KLHL4: variants seen among roughly 807,000 people sequenced by gnomAD.
The protein encoded by KLHL4 is kelch like family member 4.
Under a neutral mutation model 45.8 loss-of-function variants are expected in KLHL4, and 17 were observed. The observed-to-expected ratio is 0.37, with a 90% CI of 0.25 to 0.56. The LOEUF is 0.56. Among genes scored for constraint, KLHL4 ranks in the 20% least tolerant of loss-of-function variants. The pLI, the probability that KLHL4 is intolerant of heterozygous loss-of-function variation, is 0.79. For missense variants in KLHL4, 544 were observed against 544.9 expected, an observed-to-expected ratio of 1.00 and a Z score of 0.02; for synonymous variants, 224 against 189.9, an observed-to-expected ratio of 1.18 and a Z score of -1.47.
chrX:87,584,700 A>G (rs759373006), intron 1 of KLHL4, among the ~76,000 whole-genome samples: 1 of 110,460 alleles, frequency 9.1e-6, no homozygotes, highest in East Asian at 2.9e-4. Flanking sequence ...ATAGAAAACA[A>G]TGAAGCACAC....
intron 1 of KLHL4, among the ~76,000 whole-genome samples, chrX:87,546,034 C>T (rs755505932): frequency 1.8e-5 from 2 of 111,040 alleles, no homozygotes; most frequent in South Asian, 3.8e-4. Flanking sequence ...TGCAGGCTGG[C>T]GATGCAATAG....
intron 1 of KLHL4, among the ~76,000 whole-genome samples, chrX:87,600,184 T>C (rs1457508607): frequency 1.8e-5 from 2 of 110,644 alleles, no homozygotes; most frequent in Admixed American, 9.6e-5. Context: ...ACAGATCCGG[T>C]CATTTAAAAG....
chrX:87,636,197 T>C (rs1460344899), intron 9 of KLHL4, among the ~76,000 whole-genome samples: 2 of 111,968 alleles, frequency 1.8e-5, no homozygotes, highest in Non-Finnish European at 1.9e-5. Context: ...CAGCATAGAA[T>C]ATGTAAAAAG....
At chrX:87,659,390 T>C (rs1232435374) in intron 9 of KLHL4, among the ~76,000 whole-genome samples, 1 of 110,410 alleles carries the variant, frequency 9.1e-6, no homozygotes, top group Non-Finnish European at 1.9e-5. Context: ...AGTGCTGGGA[T>C]TACAGGCATG....
At chrX:87,524,048 C>A (rs73509844) in intron 1 of KLHL4, among the ~76,000 whole-genome samples, 1 of 111,039 alleles carries the variant, frequency 9.0e-6, no homozygotes, top group South Asian at 3.8e-4. Flanking sequence ...TAATTTATGC[C>A]AGCACTCTGC....
At chrX:87,577,354 C>A (rs1035454073) in intron 1 of KLHL4, among the ~76,000 whole-genome samples, 4 of 111,624 alleles carry the variant, frequency 3.6e-5, no homozygotes, top group African/African-American at 1.3e-4. Context: ...CAAAAGACAT[C>A]GTTCTATTTA....
intron 6 of KLHL4, among the ~76,000 whole-genome samples, chrX:87,626,740 T>A (rs1922942667): frequency 9.0e-6 from 1 of 111,299 alleles, no homozygotes; most frequent in Non-Finnish European, 1.9e-5. Context: ...TGACTTTTCC[T>A]TTTGGCTTAG....
rs1355632685 is a variant in KLHL4 at position 87,669,707 on chromosome X, A to T, written c.*3173A>T. 5.7e-6 allele frequency: 1 copy of T among 175,712 alleles called. No homozygotes were observed. The highest frequency in any genetic ancestry group is 1.3e-4 in the East Asian group (1 of 7,726). The allele number at this position is 175,712 out of a possible 1,213,427, so 14.5% of individuals were successfully genotyped here. A position where few individuals can be genotyped will look rare whatever the true frequency, so the allele number is the denominator to read the frequency against. ...AGGTAGAAGAGATTTTTCAGTTGCT[A>T]TTTCTCTTCGTAATGAATTTTCTTT... On this transcript the variant is annotated 3_prime_UTR_variant, in exon 11 of 11. Transcript: ENST00000373119.
At chrX:87,613,369 A>C (rs1358108672) in intron 1 of KLHL4, among the ~76,000 whole-genome samples, 1 of 111,838 alleles carries the variant, frequency 8.9e-6, no homozygotes, top group African/African-American at 3.2e-5. Flanking sequence ...AATTATGTCC[A>C]GTTTCTTAAT....
At chrX:87,620,591 TA>T (rs1362420133) in intron 4 of KLHL4, among the ~76,000 whole-genome samples, 1 of 112,176 alleles carries the variant, frequency 8.9e-6, no homozygotes, top group Non-Finnish European at 1.9e-5. Context: ...TTTCAGAGTT[TA>T]TATACAATAT....
chrX:87,653,565 G>A (rs1337065692), intron 9 of KLHL4, among the ~76,000 whole-genome samples: 1 of 111,900 alleles, frequency 8.9e-6, no homozygotes, highest in Non-Finnish European at 1.9e-5. Flanking sequence ...GTAGAAGACA[G>A]TGTGGCAATT....
At chrX:87,645,291 T>C (rs1443865283) in intron 9 of KLHL4, among the ~76,000 whole-genome samples, 1 of 111,473 alleles carries the variant, frequency 9.0e-6, no homozygotes, top group East Asian at 2.8e-4. Flanking sequence ...CCAATAAACA[T>C]GTGAAAAATG....
chrX:87,593,975 T>C (rs1921757413), intron 1 of KLHL4, among the ~76,000 whole-genome samples: 1 of 112,274 alleles, frequency 8.9e-6, no homozygotes, highest in Non-Finnish European at 1.9e-5. Flanking sequence ...GGCTTTGATA[T>C]ACCTCACCTG....
Position 87,664,825 on chromosome X carries a change from G to A in KLHL4, c.1987G>A (p.Val663Ile), listed in dbSNP as rs1429808409. The change falls in exon 10 of 11, where the codon GTT (valine) becomes ATT (isoleucine). Residue 663 changes from valine to isoleucine, a missense_variant. Physicochemically the swap from Val to Ile is conservative, Grantham distance 29. Coordinates refer to ENST00000373119, the MANE Select transcript of KLHL4 (RefSeq NM_019117.5). The stretch of plus-strand genomic sequence containing the variant: ...ACCTCTGAGTGTTCCTCGAGATGCT[G>A]TTGCTGTGTGCCCTCTTGGAGACAA... The part of the protein sequence containing the change: ...VAPLSVPRDA[V>I]AVCPLGDKLY... 8.3e-7 allele frequency: 1 copy of A among 1,200,987 alleles called. No homozygotes were observed. Among genetic ancestry groups the A allele is most frequent in the Admixed American group, 2.2e-5 (1 of 45,474 alleles).
intron 1 of KLHL4, among the ~76,000 whole-genome samples, chrX:87,561,850 C>G (rs1211280703): frequency 9.1e-6 from 1 of 109,847 alleles, no homozygotes; most frequent in East Asian, 2.9e-4. Context: ...CCTAAAGACC[C>G]CATCCAGGCC....
At chrX:87,553,338 T>A (rs1356962403) in intron 1 of KLHL4, among the ~76,000 whole-genome samples, 1 of 110,393 alleles carries the variant, frequency 9.1e-6, no homozygotes. Context: ...AATCAATAAT[T>A]AGTTAATGAA....
At chrX:87,579,954 T>C (rs1174569431) in intron 1 of KLHL4, among the ~76,000 whole-genome samples, 4 of 112,019 alleles carry the variant, frequency 3.6e-5, no homozygotes, top group Non-Finnish European at 7.5e-5. Flanking sequence ...CGATAATGGG[T>C]AAATCACTTT....
At chrX:87,597,896 T>A (rs1457912601) in intron 1 of KLHL4, among the ~76,000 whole-genome samples, 1 of 110,942 alleles carries the variant, frequency 9.0e-6, no homozygotes, top group Non-Finnish European at 1.9e-5. Flanking sequence ...TTCTAGTAAT[T>A]GGATATTTGG....
intron 9 of KLHL4, among the ~76,000 whole-genome samples, chrX:87,650,802 TCA>T (rs2147836195): frequency 8.9e-6 from 1 of 111,984 alleles, no homozygotes; most frequent in African/African-American, 3.2e-5. Flanking sequence ...TTTAATGGAC[TCA>T]CAGTTCCACG....
Sources: gnomAD v4.1 joint callset for allele counts (sites outside exome capture counted in the v4.1 genomes callset) on GRCh38, gnomAD v4.1.1 for gene constraint, MANE v1.5 for transcripts, NCBI Gene and HGNC (gene_info 2026-07-23, HGNC 2026-07-21) for gene names.